Variants in SPRED2 observed in about 807,000 individuals in gnomAD.
SPRED2 encodes sprouty-related, EVH1 domain-containing protein 2.
In SPRED2, 47 loss-of-function variants were observed where a neutral mutation model predicts 43.0. That is an observed-to-expected ratio of 1.09 (90% CI 0.87 to 1.40). The LOEUF (loss-of-function observed/expected upper bound fraction) is 1.40, where lower values mean the gene tolerates loss of function less well. SPRED2 is among the 40% of genes most tolerant of loss of function. The probability of loss-of-function intolerance (pLI) is 0.00; values close to 1 mark genes in which losing one functional copy is unlikely to be tolerated. For synonymous variants in SPRED2, 225 were observed against 225.7 expected, an observed-to-expected ratio of 1.00 and a Z score of 0.03; for missense variants, 561 against 586.4, an observed-to-expected ratio of 0.96 and a Z score of 0.45.
chr2:65,310,560 G>T (rs921325278), downstream of SPRED2, among the ~76,000 whole-genome samples: 2 of 151,630 alleles, frequency 1.3e-5, no homozygotes. Context: ...AAGTACAGCT[G>T]TTCCCTCTGA....
At chr2:65,327,999 G>A (rs975805963) in intron 4 of SPRED2, among the ~76,000 whole-genome samples, 2 of 152,158 alleles carry the variant, frequency 1.3e-5, no homozygotes, top group East Asian at 3.9e-4. Context: ...TGGGATTACA[G>A]GCATGAACCG....
intron 2 of SPRED2, 42 bp downstream of exon 2, chr2:65,344,677 G>A (rs201552781): frequency 6.2e-7 from 1 of 1,605,884 alleles, no homozygotes; most frequent in East Asian, 2.2e-5. Context: ...AAAGAAAGCA[G>A]TTGTTACTAA....
At position 65,316,859 on chromosome 2, in the gene SPRED2, A is replaced by T. The variant is rs1174314504; in HGVS notation, c.463T>A (p.Ser155Thr). 3 of 1,613,754 alleles carry T rather than the reference A, an allele frequency of 1.9e-6. No individual in the cohort carries two copies. Among genetic ancestry groups the T allele is most frequent in the Non-Finnish European group, 2.5e-6 (3 of 1,179,978 alleles). Residue 155 changes from serine to threonine, a missense_variant, in exon 5 of 6, where the codon TCC (serine) becomes ACC (threonine). This residue lies in a region of SPRED2 where 305 missense variants were observed against 282.4 expected (regional missense o/e 1.08). Transcript: ENST00000356388. The part of the protein sequence containing the change: ...FTTATDSSSN[S>T]SQKREQPTRT... ...GTAGGTTGCTCTCTCTTCTGAGAGG[A>T]ATTAGAAGAACTGTCTGTAGCTGTC... is the stretch of plus-strand genomic sequence containing the variant.
chr2:65,351,576 G>C (rs928773652), intron 1 of SPRED2, among the ~76,000 whole-genome samples: 2 of 152,234 alleles, frequency 1.3e-5, no homozygotes, highest in East Asian at 1.9e-4. Context: ...TTCTTGCAGG[G>C]AGCCAGGCAC....
chr2:65,396,587 C>T (rs760429569), intron 1 of SPRED2, among the ~76,000 whole-genome samples: 16 of 152,192 alleles, frequency 1.1e-4, no homozygotes, highest in Non-Finnish European at 2.4e-4. Flanking sequence ...TTGAAGACTA[C>T]GGAACCAGCA....
chr2:65,317,687 C>G (rs1332745856), intron 4 of SPRED2, among the ~76,000 whole-genome samples: 1 of 152,152 alleles, frequency 6.6e-6, no homozygotes. Flanking sequence ...GGGGAAATCT[C>G]CACCTGGGAG....
chr2:65,310,620 C>T (rs1673043565), downstream of SPRED2, among the ~76,000 whole-genome samples: 2 of 152,068 alleles, frequency 1.3e-5, no homozygotes, highest in Admixed American at 6.6e-5. Flanking sequence ...TGTTCCTGGG[C>T]GGTGGCCTGC....
intron 1 of SPRED2, among the ~76,000 whole-genome samples, chr2:65,413,612 G>T (rs1008504670): frequency 2.6e-5 from 4 of 152,200 alleles, no homozygotes; most frequent in Non-Finnish European, 1.5e-5. Context: ...CCAAGTCACC[G>T]TGCAAGTGGG....
At chr2:65,310,079 C>T (rs1045987931), downstream of SPRED2, among the ~76,000 whole-genome samples, 11 of 152,076 alleles carry the variant, frequency 7.2e-5, no homozygotes, top group South Asian at 2.1e-4. Context: ...CAAGTGAGCT[C>T]GTAGGACTCT....
intron 1 of SPRED2, among the ~76,000 whole-genome samples, chr2:65,355,733 C>A (rs1009094531): frequency 4.1e-4 from 63 of 152,104 alleles, no homozygotes; most frequent in Non-Finnish European, 5.9e-5. Context: ...TGTCTGTCTG[C>A]TTTACTGAGT....
chr2:65,312,472 A>G lies in SPRED2; in HGVS notation c.*1029T>C, dbSNP rs1572825224. Reference sequence around the variant, plus strand: ...AGGGGTTGGGGGGAAGAAGCTCCCTATGGTTTTATTCACCATAACCTTAGT... The same window carrying G: ...AGGGGTTGGGGGGAAGAAGCTCCCTGTGGTTTTATTCACCATAACCTTAGT... On this transcript the variant is annotated 3_prime_UTR_variant, in exon 6 of 6. Transcript: ENST00000356388. The G allele has an allele frequency of 4.1e-6, 4 of 985,394 alleles. No homozygotes were observed. The highest frequency in any genetic ancestry group is 4.8e-6 in the Non-Finnish European group (4 of 829,918). 61.0% of individuals were successfully genotyped at this position (985,394 alleles called of 1,614,324 possible).
intron 5 of SPRED2, 88 bp from the exon 6 acceptor site, chr2:65,314,257 C>G (rs1572827844): frequency 7.7e-7 from 1 of 1,297,026 alleles, no homozygotes; most frequent in Non-Finnish European, 1.0e-6. Context: ...CCTCCCTAGC[C>G]GTCCAAAATG....
chr2:65,344,662 A>C lies in SPRED2; in HGVS notation c.204+57T>G, dbSNP rs1037358602. The C allele has an allele frequency of 6.3e-6, 10 of 1,584,300 alleles. No homozygotes were observed. The African/African-American group carries it at 1.3e-4, about 21-fold the overall frequency. Reference sequence around the variant, plus strand: ...CGTTAAGGAAAGAGGACTATGATTTAACGTAAAGAAAGCAGTTGTTACTAA... The same window carrying C: ...CGTTAAGGAAAGAGGACTATGATTTCACGTAAAGAAAGCAGTTGTTACTAA... On this transcript the variant is annotated intron_variant, in intron 2 of 5. Coordinates refer to ENST00000356388, the MANE Select transcript of SPRED2 (RefSeq NM_181784.3).
chr2:65,362,420 A>C (rs913933562), intron 1 of SPRED2, among the ~76,000 whole-genome samples: 1 of 152,012 alleles, frequency 6.6e-6, no homozygotes, highest in Admixed American at 6.5e-5. Context: ...CAGGCGCCCG[A>C]CACCACGCCC....
chr2:65,341,646 T>C (rs971995711), intron 2 of SPRED2, among the ~76,000 whole-genome samples: 1 of 152,140 alleles, frequency 6.6e-6, no homozygotes, highest in Admixed American at 6.5e-5. Context: ...ATCTTCCTCC[T>C]TCAAAATGTT....
intron 4 of SPRED2, among the ~76,000 whole-genome samples, chr2:65,326,343 C>T (rs1008077583): frequency 5.9e-5 from 9 of 152,182 alleles, no homozygotes; most frequent in Non-Finnish European, 8.8e-5. Flanking sequence ...GCTGAGAAAC[C>T]TATGATCAGT....
rs1185883853 is a variant in SPRED2, at chr2:65,334,605, C to T, written c.373G>A (p.Gly125Ser). The T allele has an allele frequency of 1.2e-6, 2 of 1,613,874 alleles. No individual in the cohort carries two copies. Among genetic ancestry groups the T allele is most frequent in the Non-Finnish European group, 8.5e-7 (1 of 1,179,964 alleles). ...AAGAATGCAGCGACAAGTTCAATACCTTCTATAAGGTCTTCGATTGCTTTC... is the reference window on the plus strand; with the variant it reads ...AAGAATGCAGCGACAAGTTCAATACTTTCTATAAGGTCTTCGATTGCTTTC... ...VRKAIEDLIE[G>S]STTSSSTIHN... is the part of the protein sequence containing the mutation. The change falls in exon 3 of 6, where the codon GGT (glycine) becomes AGT (serine). Residue 125 changes from glycine (G) to serine (S), a missense_variant and splice_region_variant. Coordinates refer to ENST00000356388, the MANE Select transcript of SPRED2 (RefSeq NM_181784.3).
At chr2:65,341,380 A>G (rs1674179565) in intron 2 of SPRED2, among the ~76,000 whole-genome samples, 1 of 152,000 alleles carries the variant, frequency 6.6e-6, no homozygotes, top group African/African-American at 2.4e-5. Context: ...GGAGGGGATG[A>G]GGCACACTTT....
chr2:65,362,870 G>T lies in SPRED2; in HGVS notation c.27-17974C>A, dbSNP rs28581498. Among the ~76,000 whole-genome samples, 780 of 138,008 alleles carry T rather than the reference G, an allele frequency of 5.7e-3. 11 individuals carry two copies. Among genetic ancestry groups the T allele is most frequent in the African/African-American group, 0.02 (740 of 37,614 alleles). The allele number at this position is 138,008 out of a possible 152,430, so 90.5% of individuals were successfully genotyped here. ...TGAAACTCCATTTCAAAAAAAAAAA[G>T]AAAAGAAAAGAAAAGAAAAAAACGG... On this transcript the variant is annotated intron_variant, in intron 1 of 5. Coordinates refer to ENST00000356388, the MANE Select transcript of SPRED2 (RefSeq NM_181784.3).
Sources: gnomAD v4.1 joint callset for allele counts (sites outside exome capture counted in the v4.1 genomes callset) on GRCh38, gnomAD v4.1.1 for gene constraint, gnomAD v4.1.1 regional missense constraint, MANE v1.5 for transcripts, NCBI Gene and HGNC (gene_info 2026-07-23, HGNC 2026-07-21) for gene names.